CLPB: variants seen among roughly 807,000 people sequenced by gnomAD.
CLPB encodes the protein ClpB family mitochondrial disaggregase, also known as mitochondrial disaggregase.
In CLPB, 40 loss-of-function variants were observed where a neutral mutation model predicts 78.4. The ratio of observed to expected loss-of-function variants is 0.51; its 90% CI spans 0.40 to 0.66. CLPB has a LOEUF of 0.66. Ranked by LOEUF, CLPB falls within the 30% of genes least tolerant of loss-of-function variation. CLPB has a pLI of 0.00. For synonymous variants in CLPB, 333 were observed against 348.0 expected, an observed-to-expected ratio of 0.96 and a Z score of 0.48; for missense variants, 780 against 886.9, an observed-to-expected ratio of 0.88 and a Z score of 1.53.
intron 6 of CLPB, among the ~76,000 whole-genome samples, chr11:72,318,874 G>A (rs1016118420): frequency 6.6e-6 from 1 of 152,188 alleles, no homozygotes; most frequent in Non-Finnish European, 1.5e-5. Flanking sequence ...GCCGACTTCA[G>A]CCATAGATCT....
intron 4 of CLPB, among the ~76,000 whole-genome samples, chr11:72,359,676 T>C (rs1565460503): frequency 6.6e-6 from 1 of 152,226 alleles, no homozygotes; most frequent in South Asian, 2.1e-4. Context: ...TGAGAAACTA[T>C]GTGTCAGATT....
chr11:72,379,482 C>T (rs1297324467), intron 4 of CLPB, among the ~76,000 whole-genome samples: 2 of 152,184 alleles, frequency 1.3e-5, no homozygotes, highest in Non-Finnish European at 2.9e-5. Flanking sequence ...GAAGTACTCA[C>T]CAGACACAAC....
chr11:72,366,037 C>G (rs1354744599), intron 4 of CLPB, among the ~76,000 whole-genome samples: 8 of 152,178 alleles, frequency 5.3e-5, no homozygotes, highest in African/African-American at 1.9e-4. Flanking sequence ...GCAACTATGA[C>G]AAAAACAAAA....
chr11:72,424,265 G>A (rs1306170875), intron 2 of CLPB, among the ~76,000 whole-genome samples: 1 of 152,216 alleles, frequency 6.6e-6, no homozygotes, highest in Non-Finnish European at 1.5e-5. Context: ...TAGGCGCTCA[G>A]CCATAACCCC....
At chr11:72,401,082 T>C (rs1855547006) in intron 3 of CLPB, among the ~76,000 whole-genome samples, 1 of 152,218 alleles carries the variant, frequency 6.6e-6, no homozygotes, top group Non-Finnish European at 1.5e-5. Context: ...CAGTTAAGGC[T>C]TGGAACCAGG....
rs1297218296 is a variant in CLPB, at chr11:72,383,403, C to T, written c.543-3019G>A. 1.2e-4 allele frequency among the ~76,000 whole-genome samples: 18 copies of T among 151,376 alleles called. No individual in the cohort carries two copies. The East Asian group carries it at 2.7e-3, about 23-fold the overall frequency. The stretch of plus-strand genomic sequence containing the variant: ...AAAATTAGCCAGGCGTGGTGGCGGG[C>T]GCCTGTAGTCCCAGCTACTCGGAAG... On this transcript the variant is annotated intron_variant, in intron 3 of 15. Transcript: ENST00000538039.
At chr11:72,305,086 T>G (rs764773191) in intron 9 of CLPB, among the ~76,000 whole-genome samples, 2 of 152,202 alleles carry the variant, frequency 1.3e-5, no homozygotes, top group African/African-American at 4.8e-5. Flanking sequence ...AATACATGGT[T>G]GTTTTTATGG....
intron 4 of CLPB, among the ~76,000 whole-genome samples, chr11:72,360,384 A>G (rs1226874488): frequency 6.6e-6 from 1 of 152,164 alleles, no homozygotes; most frequent in African/African-American, 2.4e-5. Context: ...ATGCAATACT[A>G]AATGTCCTAT....
chr11:72,343,697 A>AT (rs1324450341), intron 5 of CLPB, among the ~76,000 whole-genome samples: 4 of 152,050 alleles, frequency 2.6e-5, no homozygotes, highest in Admixed American at 6.5e-5. Flanking sequence ...TAGTGATTCC[A>AT]TTTTTTTCAA....
intron 6 of CLPB, among the ~76,000 whole-genome samples, chr11:72,322,941 T>C (rs1461331681): frequency 6.6e-6 from 1 of 152,142 alleles, no homozygotes; most frequent in Non-Finnish European, 1.5e-5. Context: ...AGAGATTAAG[T>C]ACATTCAAGC....
At chr11:72,338,174 G>T (rs548575487) in intron 5 of CLPB, among the ~76,000 whole-genome samples, 2 of 152,244 alleles carry the variant, frequency 1.3e-5, no homozygotes, top group South Asian at 2.1e-4. Flanking sequence ...ATACTACAGG[G>T]GAGTGAGGAG....
rs1018423100 is a variant in CLPB at position 72,312,532 on chromosome 11, C to T, written c.989-3928G>A. Among the ~76,000 whole-genome samples, 3 of 152,086 alleles carry T rather than the reference C, an allele frequency of 2.0e-5. No individual in the cohort carries two copies. The highest frequency in any genetic ancestry group is 4.8e-5 in the African/African-American group (2 of 41,386). The stretch of plus-strand genomic sequence containing the variant: ...ATTTTCTGAGGACCCCTGAGACTAG[C>T]CCAACACTGGTTTAATACTTGCTGA... On this transcript the variant is annotated intron_variant, in intron 7 of 15. Transcript: ENST00000538039. This position sits in a 1 kb window ranked among gnomAD's most constrained non-coding sequence, Gnocchi z 4.2.
At chr11:72,408,409 T>C (rs1855772947) in intron 2 of CLPB, among the ~76,000 whole-genome samples, 1 of 152,062 alleles carries the variant, frequency 6.6e-6, no homozygotes, top group South Asian at 2.1e-4. Context: ...GGCTCATGCC[T>C]GTAATCCCAA....
intron 4 of CLPB, among the ~76,000 whole-genome samples, chr11:72,365,385 A>G (rs1241101505): frequency 6.6e-6 from 1 of 152,220 alleles, no homozygotes; most frequent in Non-Finnish European, 1.5e-5. Context: ...TGGAGACAGA[A>G]AGTAAATTAG....
At chr11:72,408,116 G>A in intron 2 of CLPB, 2 of 1,534,972 alleles carry the variant, frequency 1.3e-6, no homozygotes, top group South Asian at 1.2e-5. Flanking sequence ...CCATTCAGAG[G>A]AGGAAATCTT....
At chr11:72,395,322 T>G (rs1444498608) in intron 3 of CLPB, among the ~76,000 whole-genome samples, 1 of 152,174 alleles carries the variant, frequency 6.6e-6, no homozygotes, top group Non-Finnish European at 1.5e-5. Flanking sequence ...TGACTCCTGG[T>G]TCCAGCATCC....
At chr11:72,329,137 G>A (rs1950178348) in intron 6 of CLPB, among the ~76,000 whole-genome samples, 1 of 152,214 alleles carries the variant, frequency 6.6e-6, no homozygotes, top group South Asian at 2.1e-4. Flanking sequence ...GCTGGGAGAG[G>A]TGGAAGACTT....
rs1222403395 is a variant in CLPB at position 72,380,398 on chromosome 11, C to A, written c.543-14G>T. 3.7e-6 allele frequency: 6 copies of A among 1,609,260 alleles called. No individual in the cohort carries two copies. Among genetic ancestry groups the A allele is most frequent in the Non-Finnish European group, 5.1e-6 (6 of 1,175,748 alleles). Reference sequence around the variant, plus strand: ...ACCTGTACCACACTAGAAGAAATCACAAAGACAGAAGTGTCAAAAGCAAGA... The same window carrying A: ...ACCTGTACCACACTAGAAGAAATCAAAAAGACAGAAGTGTCAAAAGCAAGA... On this transcript the variant is annotated splice_polypyrimidine_tract_variant and intron_variant, in intron 3 of 15. Coordinates refer to ENST00000538039, the MANE Select transcript of CLPB (RefSeq NM_001258392.3).
At chr11:72,317,004 C>T in intron 7 of CLPB, 102 bp downstream of exon 7, 1 of 719,502 alleles carries the variant, frequency 1.4e-6, no homozygotes, top group South Asian at 2.0e-5. Context: ...TCAACAAATG[C>T]TAATTTTTAA....
Sources: allele counts gnomAD v4.1 joint callset (sites outside exome capture counted in the v4.1 genomes callset), GRCh38; gene constraint gnomAD v4.1.1; non-coding constraint Gnocchi (gnomAD v3.1); transcripts MANE v1.5; gene names NCBI Gene and HGNC (gene_info 2026-07-23, HGNC 2026-07-21).